Variants in MMP14 observed in about 807,000 individuals in gnomAD.
MMP14 encodes the protein matrix metalloproteinase-14.
Under a neutral mutation model 64.8 loss-of-function variants are expected in MMP14, and 13 were observed. That is an observed-to-expected ratio of 0.20 (90% confidence interval 0.13 to 0.32). MMP14 has a LOEUF of 0.32. Ranked by LOEUF, MMP14 falls within the 10% of genes least tolerant of loss-of-function variation. MMP14 has a pLI of 1.00. For missense variants in MMP14, 594 were observed against 783.8 expected, an observed-to-expected ratio of 0.76 and a Z score of 2.89; for synonymous variants, 322 against 315.9, an observed-to-expected ratio of 1.02 and a Z score of -0.20.
chr14:22,842,812 A>C lies in MMP14; in HGVS notation c.688+95A>C. 7.6e-7 allele frequency: 1 copy of C among 1,314,998 alleles called. No individual in the cohort carries two copies. Among genetic ancestry groups the C allele is most frequent in the Non-Finnish European group, 1.0e-6 (1 of 963,550 alleles). The allele number at this position is 1,314,998 out of a possible 1,614,324, so 81.5% of individuals were successfully genotyped here. Reference sequence around the variant, plus strand: ...CTCCTTCCAAAATCTCCGGGCTAGAAGGGACCACAGAGACCTTCTGATCTA... The same window carrying C: ...CTCCTTCCAAAATCTCCGGGCTAGACGGGACCACAGAGACCTTCTGATCTA... On this transcript the variant is annotated intron_variant, in intron 4 of 9. Coordinates refer to ENST00000311852, the MANE Select transcript of MMP14 (RefSeq NM_004995.4). This position sits in a 1 kb window ranked among gnomAD's most constrained non-coding sequence, Gnocchi z 5.3.
chr14:22,844,331 C>A, intron 6 of MMP14, 40 bp from the exon 7 acceptor site: 3 of 1,610,598 alleles, frequency 1.9e-6, no homozygotes, highest in Non-Finnish European at 2.5e-6. Context: ...ACCTAGGCCG[C>A]AAGACATAAT....
At chr14:22,839,488 G>T (rs1412711200) in intron 1 of MMP14, among the ~76,000 whole-genome samples, 1 of 152,210 alleles carries the variant, frequency 6.6e-6, no homozygotes, top group Non-Finnish European at 1.5e-5. Flanking sequence ...CTGAGGAGGG[G>T]CTCTCAGAGC....
At chr14:22,845,645 C>A in intron 9 of MMP14, 63 bp from the exon 10 acceptor site, 2 of 1,521,308 alleles carry the variant, frequency 1.3e-6, no homozygotes, top group East Asian at 2.3e-5. Context: ...GCTTCCCTCG[C>A]TCCTCTCCTC....
At position 22,844,732 on chromosome 14, in the gene MMP14, C is replaced by T. The variant is rs145386551; in HGVS notation, c.1253C>T (p.Ala418Val). Residue 418 changes from alanine (A) to valine (V), a missense_variant, in exon 8 of 10, where the codon GCT (alanine) becomes GTT (valine). This residue lies in a region of MMP14 where 364 missense variants were observed against 425.2 expected (regional missense o/e 0.86). Transcript: ENST00000311852. ...RGLPTDKIDAALFWMPNGKTY... is the reference protein window; with the variant it reads ...RGLPTDKIDAVLFWMPNGKTY... ...CTGCCTACCGACAAGATTGATGCTG[C>T]TCTCTTCTGGATGCCCAATGGAAAG... The T allele has an allele frequency of 2.5e-6, 4 of 1,613,986 alleles. No individual in the cohort carries two copies. The highest frequency in any genetic ancestry group is 2.2e-5 in the East Asian group (1 of 44,890).
Position 22,843,561 on chromosome 14 carries a change from C to A in MMP14, c.850+143C>A, listed in dbSNP as rs2039788757. The A allele has an allele frequency of 2.2e-6, 3 of 1,385,850 alleles. No individual in the cohort carries two copies. Among genetic ancestry groups the A allele is most frequent in the South Asian group, 1.3e-5 (1 of 74,606 alleles). The allele number at this position is 1,385,850 out of a possible 1,614,324, so 85.8% of individuals were successfully genotyped here. ...GCCTCTATCAGCTCCACTTTTGAGCCCATCTTTTGTGTCGCCTCCCAGTTG... is the reference window on the plus strand; with the variant it reads ...GCCTCTATCAGCTCCACTTTTGAGCACATCTTTTGTGTCGCCTCCCAGTTG... On this transcript the variant is annotated intron_variant, in intron 5 of 9. Transcript: ENST00000311852. The surrounding 1 kb of genome is among the most constrained non-coding windows in gnomAD (Gnocchi z 4.8).
At position 22,846,194 on chromosome 14, in the gene MMP14, T is replaced by C; in HGVS notation, c.*155T>C. 1 of 703,814 alleles carries C rather than the reference T, an allele frequency of 1.4e-6. No homozygotes were observed. The highest frequency in any genetic ancestry group is 2.0e-5 in the South Asian group (1 of 49,190). 43.6% of individuals were successfully genotyped at this position (703,814 alleles called of 1,614,324 possible). Reference sequence around the variant, plus strand: ...GTCCCCTGGCTGGCCTCCTTCACCCTGACCGCCTCCCTCCCTCCTGCCCCG... The same window carrying C: ...GTCCCCTGGCTGGCCTCCTTCACCCCGACCGCCTCCCTCCCTCCTGCCCCG... On this transcript the variant is annotated 3_prime_UTR_variant, in exon 10 of 10. Coordinates refer to ENST00000311852, the MANE Select transcript of MMP14 (RefSeq NM_004995.4).
Position 22,843,787 on chromosome 14 carries a change from A to C in MMP14, c.928A>C (p.Lys310Gln). The part of the protein sequence containing the change: ...TSRPSVPDKP[K>Q]NPTYGPNICD... ...CCGGCCTTCTGTTCCTGATAAACCCAAAAACCCCACCTATGGGCCCAACAT... is the reference window on the plus strand; with the variant it reads ...CCGGCCTTCTGTTCCTGATAAACCCCAAAACCCCACCTATGGGCCCAACAT... Residue 310 changes from lysine (K) to glutamine (Q), a missense_variant, in exon 6 of 10, where the codon AAA (lysine) becomes CAA (glutamine). Transcript: ENST00000311852. The surrounding 1 kb of genome is among the most constrained non-coding windows in gnomAD (Gnocchi z 4.8). The C allele has an allele frequency of 6.2e-7, 1 of 1,612,828 alleles. No homozygotes were observed. Among genetic ancestry groups the C allele is most frequent in the Non-Finnish European group, 8.5e-7 (1 of 1,179,666 alleles).
chr14:22,841,285 C>T (rs546555149), intron 1 of MMP14, among the ~76,000 whole-genome samples: 38 of 152,316 alleles, frequency 2.5e-4, no homozygotes, highest in African/African-American at 8.2e-4. Context: ...CCCATAGCCC[C>T]GAGGGGACAA....
chr14:22,838,183 A>C (rs2039748550), intron 1 of MMP14, among the ~76,000 whole-genome samples: 1 of 152,204 alleles, frequency 6.6e-6, no homozygotes, highest in Admixed American at 6.5e-5. Context: ...CTGGAGGCTG[A>C]GCCTGACTGT....
At chr14:22,837,653 C>T (rs2039744597) in intron 1 of MMP14, among the ~76,000 whole-genome samples, 1 of 152,254 alleles carries the variant, frequency 6.6e-6, no homozygotes, top group African/African-American at 2.4e-5. Context: ...CCTTCAGGCC[C>T]TTTTTGTTGT....
In MMP14 at chr14:22,836,600, G is replaced by C. The variant is rs2039731843; in HGVS notation, c.-218G>C. 3 of 465,682 alleles carry C rather than the reference G, an allele frequency of 6.4e-6. No homozygotes were observed. Among genetic ancestry groups the C allele is most frequent in the Non-Finnish European group, 1.1e-5 (3 of 264,726 alleles). The allele number at this position is 465,682 out of a possible 1,614,324, so 28.8% of individuals were successfully genotyped here. A position where few individuals can be genotyped will look rare whatever the true frequency, so the allele number is the denominator to read the frequency against. ...AGAGGGAACCAGACCCCAGTTCGCC[G>C]ACTAAGCAGAAGAAAGATCAAAAAC... On this transcript the variant is annotated 5_prime_UTR_variant, in exon 1 of 10. Coordinates refer to ENST00000311852, the MANE Select transcript of MMP14 (RefSeq NM_004995.4).
In MMP14 at chr14:22,841,454, G is replaced by A. The variant is rs776298255; in HGVS notation, c.109-37G>A. ...GGAGGTAGAGGCACCCTATGGGCCA[G>A]GTGGGGACACTCTAAGCCATACCCC... is the stretch of plus-strand genomic sequence containing the variant. On this transcript the variant is annotated intron_variant, in intron 1 of 9. Coordinates refer to ENST00000311852, the MANE Select transcript of MMP14 (RefSeq NM_004995.4). The A allele has an allele frequency of 3.7e-6, 6 of 1,608,228 alleles. 1 individual carries two copies. The highest frequency in any genetic ancestry group is 3.7e-4 in the Middle Eastern group (2 of 5,342).
In MMP14 at chr14:22,843,426, G is replaced by T. The variant is rs757917193; in HGVS notation, c.850+8G>T. Reference sequence around the variant, plus strand: ...GCATCCAGCAACTTTATGGCGAGTAGTCTACACCCACGCCTGCTCCCTCCT... The same window carrying T: ...GCATCCAGCAACTTTATGGCGAGTATTCTACACCCACGCCTGCTCCCTCCT... On this transcript the variant is annotated splice_region_variant and intron_variant, in intron 5 of 9. Coordinates refer to ENST00000311852, the MANE Select transcript of MMP14 (RefSeq NM_004995.4). The surrounding 1 kb of genome is among the most constrained non-coding windows in gnomAD (Gnocchi z 4.8). 1.9e-6 allele frequency: 3 copies of T among 1,610,318 alleles called. No individual in the cohort carries two copies. Among genetic ancestry groups the T allele is most frequent in the Non-Finnish European group, 2.5e-6 (3 of 1,177,850 alleles).
chr14:22,839,018 A>C (rs992639829), intron 1 of MMP14, among the ~76,000 whole-genome samples: 3 of 152,152 alleles, frequency 2.0e-5, no homozygotes, highest in Non-Finnish European at 2.9e-5. Context: ...ACGACTCCAG[A>C]GGGGATTTCC....
intron 1 of MMP14, chr14:22,837,418 G>A (rs758333260): frequency 2.0e-5 from 9 of 455,714 alleles, no homozygotes; most frequent in African/African-American, 1.6e-4. Flanking sequence ...CAGGCCTTCA[G>A]CGGACGAGTC....
chr14:22,845,198 C>A, intron 8 of MMP14, 53 bp from the exon 9 acceptor site: 1 of 1,384,338 alleles, frequency 7.2e-7, no homozygotes, highest in African/African-American at 1.4e-5. Flanking sequence ...GGTCTTGCGC[C>A]TCCTGAGGAC....
At chr14:22,840,314 C>A (rs1345790851) in intron 1 of MMP14, among the ~76,000 whole-genome samples, 1 of 152,212 alleles carries the variant, frequency 6.6e-6, no homozygotes, top group Non-Finnish European at 1.5e-5. Context: ...ATTGTTCTTA[C>A]AATAAAGGCT....
chr14:22,842,439 A>G lies in MMP14; in HGVS notation c.410A>G (p.Glu137Gly). 4 of 1,613,712 alleles carry G rather than the reference A, an allele frequency of 2.5e-6. No homozygotes were observed. The highest frequency in any genetic ancestry group is 3.4e-6 in the Non-Finnish European group (4 of 1,179,792). Residue 137 changes from glutamate to glycine, a missense_variant, in exon 4 of 10, where the codon GAG (glutamate) becomes GGG (glycine). By Grantham distance (98) the Glu-to-Gly change is moderately conservative. Transcript: ENST00000311852. This position sits in a 1 kb window ranked among gnomAD's most constrained non-coding sequence, Gnocchi z 5.3. The part of the protein sequence containing the change: ...CIQNYTPKVG[E>G]YATYEAIRKA... The stretch of plus-strand genomic sequence containing the variant: ...CAGAATTACACCCCCAAGGTGGGCG[A>G]GTATGCCACATACGAGGCCATTCGC...
chr14:22,845,515 G>T (rs1009473411), intron 9 of MMP14, 149 bp downstream of exon 9: 1 of 839,758 alleles, frequency 1.2e-6, no homozygotes, highest in African/African-American at 1.7e-5. Context: ...GCTTCCACAC[G>T]TGGTGCCCAT....
Sources: gnomAD v4.1 joint callset for allele counts (sites outside exome capture counted in the v4.1 genomes callset) on GRCh38, gnomAD v4.1.1 for gene constraint, gnomAD v4.1.1 regional missense constraint, Gnocchi (gnomAD v3.1) non-coding constraint, MANE v1.5 for transcripts, NCBI Gene and HGNC (gene_info 2026-07-23, HGNC 2026-07-21) for gene names.